The following KCND2 variants were observed in gnomAD, a reference collection of about 807,000 sequenced individuals.
KCND2 encodes A-type voltage-gated potassium channel KCND2.
A neutral mutation model predicts 54.4 loss-of-function variants in KCND2; 16 were observed. The ratio of observed to expected loss-of-function variants is 0.29; its 90% CI spans 0.20 to 0.45. KCND2 has a LOEUF of 0.45. Ranked by LOEUF, KCND2 falls within the 20% of genes least tolerant of loss-of-function variation. KCND2 has a pLI of 1.00. For missense variants in KCND2, 486 were observed against 824.2 expected (o/e 0.59, Z 5.02); for synonymous variants, 317 against 310.7 (o/e 1.02, Z -0.21).
intron 1 of KCND2, among the ~76,000 whole-genome samples, chr7:120,640,255 C>T (rs777952781): frequency 4.6e-5 from 7 of 152,092 alleles, no homozygotes; most frequent in Non-Finnish European, 8.8e-5. Context: ...AATATGTCAT[C>T]ATTTCTCTCC....
intron 1 of KCND2, among the ~76,000 whole-genome samples, chr7:120,325,810 A>G (rs1442495343): frequency 2.6e-5 from 4 of 152,114 alleles, no homozygotes; most frequent in African/African-American, 7.2e-5. Context: ...GGAGTTTATG[A>G]TCACTGAGGT....
intron 1 of KCND2, among the ~76,000 whole-genome samples, chr7:120,340,468 C>T (rs746297523): frequency 9.2e-5 from 14 of 152,092 alleles, no homozygotes; most frequent in South Asian, 8.3e-4. Context: ...GCAAAGGAAA[C>T]GAAAACTTCA....
intron 1 of KCND2, among the ~76,000 whole-genome samples, chr7:120,687,141 A>C (rs935307020): frequency 2.6e-5 from 4 of 152,120 alleles, no homozygotes; most frequent in Non-Finnish European, 5.9e-5. Flanking sequence ...TAAGTGAAAT[A>C]AGCCAGACAC....
At chr7:120,422,867 T>C (rs1801646981) in intron 1 of KCND2, among the ~76,000 whole-genome samples, 1 of 152,150 alleles carries the variant, frequency 6.6e-6, no homozygotes, top group Admixed American at 6.5e-5. Context: ...AATATCAGAG[T>C]AAAGTCATCT....
At position 120,550,170 on chromosome 7, in the gene KCND2, A is replaced by C. The variant is rs188565575; in HGVS notation, c.1116-182733A>C. Among the ~76,000 whole-genome samples the C allele has an allele frequency of 2.0e-4, 31 of 151,946 alleles. No homozygotes were observed. The East Asian group carries it at 6.0e-3, about 30-fold the overall frequency. On this transcript the variant is annotated intron_variant, in intron 1 of 5. Transcript: ENST00000331113. The stretch of plus-strand genomic sequence containing the variant: ...AATAATTACAGGTTCTGCTTGCTCT[A>C]GTGCCTTTTTTTTGGTTTTAAAACT...
At chr7:120,571,003 C>T (rs768761094) in intron 1 of KCND2, among the ~76,000 whole-genome samples, 4 of 152,180 alleles carry the variant, frequency 2.6e-5, no homozygotes, top group Admixed American at 6.5e-5. Context: ...AGACCCTGCA[C>T]GCTGCTCAAG....
At chr7:120,632,539 G>C (rs1280853095) in intron 1 of KCND2, among the ~76,000 whole-genome samples, 2 of 152,118 alleles carry the variant, frequency 1.3e-5, no homozygotes, top group Non-Finnish European at 2.9e-5. Flanking sequence ...ATATATGATA[G>C]TCTTTCCATT....
chr7:120,452,195 A>G (rs1287363381), intron 1 of KCND2, among the ~76,000 whole-genome samples: 1 of 152,204 alleles, frequency 6.6e-6, no homozygotes, highest in Non-Finnish European at 1.5e-5. Context: ...AGGCTTTGGT[A>G]TCAAGTAGCT....
intron 1 of KCND2, among the ~76,000 whole-genome samples, chr7:120,558,414 A>C (rs1261564943): frequency 6.6e-6 from 1 of 152,168 alleles, no homozygotes; most frequent in Non-Finnish European, 1.5e-5. Context: ...CCAGAAACCT[A>C]TTCCTTCTAC....
At position 120,667,781 on chromosome 7, in the gene KCND2, G is replaced by A. The variant is rs1046490444; in HGVS notation, c.1116-65122G>A. 1.7e-4 allele frequency among the ~76,000 whole-genome samples: 26 copies of A among 152,024 alleles called. 1 individual carries two copies. Among genetic ancestry groups the A allele is most frequent in the Admixed American group, 1.6e-3 (24 of 15,268 alleles). On this transcript the variant is annotated intron_variant, in intron 1 of 5. Transcript: ENST00000331113. ...AAACTTGTCTCTTTATTGAGCTGCAGAAGGAGAGTAAAAATAAAACGAGAA... is the reference window on the plus strand; with the variant it reads ...AAACTTGTCTCTTTATTGAGCTGCAAAAGGAGAGTAAAAATAAAACGAGAA...
chr7:120,557,751 A>C (rs996716506), intron 1 of KCND2, among the ~76,000 whole-genome samples: 1 of 152,086 alleles, frequency 6.6e-6, no homozygotes, highest in Non-Finnish European at 1.5e-5. Context: ...TTTGTTTTCT[A>C]TTGTTCCTGA....
chr7:120,643,711 A>T (rs1793404646), intron 1 of KCND2, among the ~76,000 whole-genome samples: 1 of 151,834 alleles, frequency 6.6e-6, no homozygotes, highest in Non-Finnish European at 1.5e-5. Flanking sequence ...TCTATATTAC[A>T]TACATACAGT....
At chr7:120,575,544 C>T (rs895115647) in intron 1 of KCND2, among the ~76,000 whole-genome samples, 30 of 152,276 alleles carry the variant, frequency 2.0e-4, no homozygotes, top group Admixed American at 4.6e-4. Flanking sequence ...TGGGAACACC[C>T]TCCCAGACAT....
intron 1 of KCND2, among the ~76,000 whole-genome samples, chr7:120,708,833 G>A (rs911585461): frequency 2.6e-5 from 4 of 151,870 alleles, no homozygotes; most frequent in African/African-American, 9.7e-5. Flanking sequence ...TAATTTTTTT[G>A]TTTATAGGTT....
At chr7:120,681,509 T>C (rs546400275) in intron 1 of KCND2, among the ~76,000 whole-genome samples, 34 of 152,100 alleles carry the variant, frequency 2.2e-4, no homozygotes, top group African/African-American at 7.9e-4. Flanking sequence ...ACTTAAAATG[T>C]GTCAGTAACA....
intron 4 of KCND2, 23 bp from the exon 5 acceptor site, chr7:120,745,757 A>G (rs745801435): frequency 2.2e-5 from 36 of 1,612,984 alleles, no homozygotes; most frequent in Non-Finnish European, 2.2e-5. Flanking sequence ...CTGTTTCTTC[A>G]TTTACTTACA....
At chr7:120,536,308 T>C (rs1465102402) in intron 1 of KCND2, among the ~76,000 whole-genome samples, 1 of 152,158 alleles carries the variant, frequency 6.6e-6, no homozygotes, top group Non-Finnish European at 1.5e-5. Context: ...TTAATCTTTT[T>C]ACTGGTGGAG....
chr7:120,543,700 G>A (rs1339198957), intron 1 of KCND2, among the ~76,000 whole-genome samples: 4 of 151,838 alleles, frequency 2.6e-5, no homozygotes, highest in Non-Finnish European at 4.4e-5. Context: ...TGCTTTATTT[G>A]AAACCCCTAC....
At chr7:120,546,737 C>A (rs1298046574) in intron 1 of KCND2, among the ~76,000 whole-genome samples, 1 of 151,932 alleles carries the variant, frequency 6.6e-6, no homozygotes, top group Non-Finnish European at 1.5e-5. Flanking sequence ...AGAAATCATT[C>A]ATCAAGTACA....
Sources: allele counts gnomAD v4.1 joint callset (sites outside exome capture counted in the v4.1 genomes callset), GRCh38; gene constraint gnomAD v4.1.1; transcripts MANE v1.5; gene names NCBI Gene and HGNC (gene_info 2026-07-23, HGNC 2026-07-21).